DLGAP1: variants seen among roughly 807,000 people sequenced by gnomAD.
The protein encoded by DLGAP1 is DLG associated protein 1.
In DLGAP1, 11 loss-of-function variants were observed where a neutral mutation model predicts 90.8. That is an observed-to-expected ratio of 0.12 (90% CI 0.08 to 0.20). The LOEUF (loss-of-function observed/expected upper bound fraction) is 0.20. Ranked by LOEUF, DLGAP1 falls within the 10% of genes least tolerant of loss-of-function variation. The probability of loss-of-function intolerance (pLI) is 1.00; values close to 1 mark genes in which losing one functional copy is unlikely to be tolerated. For synonymous variants in DLGAP1, 558 were observed against 540.7 expected, an observed-to-expected ratio of 1.03 and a Z score of -0.44; for missense variants, 1,050 against 1,333.8, an observed-to-expected ratio of 0.79 and a Z score of 3.31.
intron 7 of DLGAP1, among the ~76,000 whole-genome samples, chr18:3,657,656 G>C (rs184000469): frequency 6.8e-6 from 1 of 147,860 alleles, no homozygotes; most frequent in Non-Finnish European, 1.5e-5. Context: ...AGGCTGGAGT[G>C]CAGTGGCGCG....
At chr18:3,781,506 C>T (rs965453841) in intron 5 of DLGAP1, among the ~76,000 whole-genome samples, 16 of 152,146 alleles carry the variant, frequency 1.1e-4, no homozygotes, top group African/African-American at 3.9e-4. Flanking sequence ...GCACCTGCCA[C>T]CATGCCGGCT....
At chr18:3,506,807 T>A (rs1480159941) in intron 11 of DLGAP1, among the ~76,000 whole-genome samples, 1 of 151,560 alleles carries the variant, frequency 6.6e-6, no homozygotes, top group Non-Finnish European at 1.5e-5. Context: ...TCATGTTAAT[T>A]GAGATCTGTG....
At chr18:3,979,751 T>C (rs1346920876) in intron 3 of DLGAP1, among the ~76,000 whole-genome samples, 2 of 152,232 alleles carry the variant, frequency 1.3e-5, no homozygotes, top group Non-Finnish European at 2.9e-5. Context: ...GGTATGTTAA[T>C]TAGCTTGACT....
chr18:4,056,929 T>C (rs1224175433), intron 2 of DLGAP1, among the ~76,000 whole-genome samples: 2 of 151,548 alleles, frequency 1.3e-5, no homozygotes, highest in Non-Finnish European at 2.9e-5. Context: ...TGGGATAAAT[T>C]TGGTAGCAGA....
At chr18:4,395,016 A>G (rs1415337201) in intron 1 of DLGAP1, among the ~76,000 whole-genome samples, 1 of 152,206 alleles carries the variant, frequency 6.6e-6, no homozygotes, top group African/African-American at 2.4e-5. Flanking sequence ...ATGGTGTTTG[A>G]ACAAAGGAAA....
At chr18:4,291,747 G>A (rs1275071911) in intron 1 of DLGAP1, among the ~76,000 whole-genome samples, 3 of 152,132 alleles carry the variant, frequency 2.0e-5, no homozygotes, top group African/African-American at 7.2e-5. Flanking sequence ...GGCAAAGGAA[G>A]CCTATGGTCT....
At chr18:3,906,643 G>T (rs1181271622) in intron 3 of DLGAP1, among the ~76,000 whole-genome samples, 1 of 152,192 alleles carries the variant, frequency 6.6e-6, no homozygotes, top group African/African-American at 2.4e-5. Context: ...AAAATAAAAT[G>T]GTAAGCTGTG....
chr18:3,646,720 T>G (rs55971487), intron 7 of DLGAP1, among the ~76,000 whole-genome samples: 2 of 151,918 alleles, frequency 1.3e-5, no homozygotes, highest in African/African-American at 2.4e-5. Context: ...GTCAGGAGAT[T>G]GAGACCATCC....
intron 2 of DLGAP1, among the ~76,000 whole-genome samples, chr18:4,134,396 T>C (rs2076366491): frequency 6.6e-6 from 1 of 152,104 alleles, no homozygotes; most frequent in Admixed American, 6.6e-5. Context: ...AGGTCTCCAG[T>C]TTACCTGCAC....
intron 2 of DLGAP1, among the ~76,000 whole-genome samples, chr18:4,131,353 T>C (rs35004826): frequency 0.1 from 15,151 of 152,224 alleles, 927 homozygotes; most frequent in East Asian, 0.19. Context: ...GAAATAGTGA[T>C]ATTTAAAAGT....
chr18:3,596,007 G>A (rs1439938323), intron 7 of DLGAP1, among the ~76,000 whole-genome samples: 1 of 152,188 alleles, frequency 6.6e-6, no homozygotes, highest in African/African-American at 2.4e-5. Context: ...GAAGATTCAG[G>A]CCCAAGGTCA....
At chr18:4,296,174 G>A (rs1403455824) in intron 1 of DLGAP1, among the ~76,000 whole-genome samples, 3 of 152,130 alleles carry the variant, frequency 2.0e-5, no homozygotes, top group African/African-American at 7.2e-5. Flanking sequence ...TCTTAATTTT[G>A]TTAGAACTTG....
chr18:3,855,226 AC>A (rs1480019519), intron 4 of DLGAP1, among the ~76,000 whole-genome samples: 1 of 152,206 alleles, frequency 6.6e-6, no homozygotes, highest in African/African-American at 2.4e-5. Context: ...CTTAAGCCAA[AC>A]ATTAAGTACA....
At chr18:3,759,116 A>G (rs1320378182) in intron 5 of DLGAP1, among the ~76,000 whole-genome samples, 2 of 152,110 alleles carry the variant, frequency 1.3e-5, no homozygotes, top group African/African-American at 2.4e-5. Context: ...TCTGGGAGAC[A>G]TTGCTATTGT....
chr18:3,952,280 C>T (rs548575022), intron 3 of DLGAP1, among the ~76,000 whole-genome samples: 1 of 152,224 alleles, frequency 6.6e-6, no homozygotes, highest in East Asian at 1.9e-4. Context: ...GGGAAAATAT[C>T]AAGGAAGTTC....
At chr18:3,646,250 C>T (rs553549014) in intron 7 of DLGAP1, among the ~76,000 whole-genome samples, 3 of 152,074 alleles carry the variant, frequency 2.0e-5, no homozygotes, top group Admixed American at 6.6e-5. Context: ...AAAAGTTAGC[C>T]GAGCGTGATG....
intron 2 of DLGAP1, among the ~76,000 whole-genome samples, chr18:4,067,836 G>A (rs61683946): frequency 0.079 from 11,961 of 151,808 alleles, 597 homozygotes; most frequent in East Asian, 0.17. Flanking sequence ...TTTCCTGACC[G>A]AATCAATGTA....
At chr18:4,271,491 A>G (rs192084586) in intron 1 of DLGAP1, among the ~76,000 whole-genome samples, 9 of 152,368 alleles carry the variant, frequency 5.9e-5, no homozygotes, top group Non-Finnish European at 1.2e-4. Context: ...TGGCCTACCA[A>G]TGGTGAATAT....
chr18:3,868,036 G>A (rs1319756281), intron 4 of DLGAP1, among the ~76,000 whole-genome samples: 2 of 152,174 alleles, frequency 1.3e-5, no homozygotes, highest in East Asian at 1.9e-4. Context: ...CTTGTTTCTA[G>A]TGGATTCGTT....
Sources: gnomAD v4.1 joint callset for allele counts (sites outside exome capture counted in the v4.1 genomes callset) on GRCh38, gnomAD v4.1.1 for gene constraint, MANE v1.5 for transcripts, NCBI Gene and HGNC (gene_info 2026-07-23, HGNC 2026-07-21) for gene names.